Variants in EPN2 observed in about 807,000 individuals in gnomAD.
EPN2 encodes epsin-2.
In EPN2, 34 loss-of-function variants were observed where a neutral mutation model predicts 61.7. The observed-to-expected ratio is 0.55, with a 90% confidence interval of 0.42 to 0.73. The LOEUF (loss-of-function observed/expected upper bound fraction) is 0.73, where lower values mean the gene tolerates loss of function less well. Ranked by LOEUF, EPN2 falls within the 30% of genes least tolerant of loss-of-function variation. EPN2 has a pLI of 0.00. For synonymous variants in EPN2, 349 were observed against 353.6 expected (o/e 0.99, Z 0.15); for missense variants, 714 against 839.2 (o/e 0.85, Z 1.84).
chr17:19,327,245 C>G (rs1051492120), intron 7 of EPN2, among the ~76,000 whole-genome samples: 1 of 152,106 alleles, frequency 6.6e-6, no homozygotes, highest in Non-Finnish European at 1.5e-5. Context: ...GGAATCATGA[C>G]TTTTTTTTCA....
chr17:19,322,982 C>T (rs962592160), intron 7 of EPN2, among the ~76,000 whole-genome samples: 2 of 152,130 alleles, frequency 1.3e-5, no homozygotes, highest in African/African-American at 2.4e-5. Context: ...CTAGTTGTCT[C>T]GGAGGCTCAG....
intron 4 of EPN2, among the ~76,000 whole-genome samples, chr17:19,295,314 G>A (rs73291277): frequency 4.0e-5 from 6 of 150,454 alleles, no homozygotes; most frequent in Admixed American, 4.0e-4. Context: ...CCTTGCCAAC[G>A]CAGTGAAACC....
At position 19,336,181 on chromosome 17, in the gene EPN2, G is replaced by C. The variant is rs1422126054; in HGVS notation, c.*1927G>C. The stretch of plus-strand genomic sequence containing the variant: ...TGACCAGCCACCTTCTGCCAGAACT[G>C]CAGGCCTGCGGCTGGGTCTTAGGCT... On this transcript the variant is annotated 3_prime_UTR_variant, in exon 11 of 11. Transcript: ENST00000314728. 1 of 152,280 alleles carries C rather than the reference G, an allele frequency of 6.6e-6. No individual in the cohort carries two copies. Among genetic ancestry groups the C allele is most frequent in the African/African-American group, 2.4e-5 (1 of 41,448 alleles). The allele number at this position is 152,280 out of a possible 1,614,324, so 9.4% of individuals were successfully genotyped here. A position where few individuals can be genotyped will look rare whatever the true frequency, so the allele number is the denominator to read the frequency against.
At chr17:19,255,720 TCAAA>T (rs1045463694) in intron 1 of EPN2, among the ~76,000 whole-genome samples, 2 of 151,918 alleles carry the variant, frequency 1.3e-5, no homozygotes, top group African/African-American at 4.8e-5. Flanking sequence ...GCTCCTGGGC[TCAAA>T]CAGTCTTCCC....
intron 7 of EPN2, among the ~76,000 whole-genome samples, chr17:19,315,500 C>A (rs1208789974): frequency 6.6e-6 from 1 of 150,852 alleles, no homozygotes. Flanking sequence ...TTTTTTTTTT[C>A]TTTTTTTTGA....
chr17:19,319,930 A>G (rs1406002702), intron 7 of EPN2, among the ~76,000 whole-genome samples: 2 of 152,204 alleles, frequency 1.3e-5, no homozygotes, highest in Non-Finnish European at 2.9e-5. Context: ...AGGCGTGAGC[A>G]GCGTTGGGAT....
At chr17:19,238,624 A>G (rs931950717) in intron 1 of EPN2, among the ~76,000 whole-genome samples, 6 of 152,202 alleles carry the variant, frequency 3.9e-5, no homozygotes, top group Non-Finnish European at 2.9e-5. Context: ...AATTTGCCCA[A>G]GGTCACGCAG....
At chr17:19,243,738 C>A (rs746986479) in intron 1 of EPN2, among the ~76,000 whole-genome samples, 31 of 152,074 alleles carry the variant, frequency 2.0e-4, no homozygotes, top group Non-Finnish European at 3.5e-4. Flanking sequence ...GGGGTTTTAC[C>A]ACGTTGGCCA....
Position 19,282,896 on chromosome 17 carries a change from C to G in EPN2, c.-170-54C>G, listed in dbSNP as rs571153288. On this transcript the variant is annotated intron_variant, in intron 2 of 10. Transcript: ENST00000314728. The stretch of plus-strand genomic sequence containing the variant: ...AGTACCTGCTGCTGGACCACAGTCT[C>G]CCACCCTCACAGGGGGCTTACGTCG... The G allele has an allele frequency of 9.9e-6, 5 of 504,600 alleles. No individual in the cohort carries two copies. In the Admixed American group the frequency reaches 1.1e-4, roughly 11 times the overall value. The allele number at this position is 504,600 out of a possible 1,614,324, so 31.3% of individuals were successfully genotyped here.
intron 1 of EPN2, among the ~76,000 whole-genome samples, chr17:19,267,003 C>CT (rs1303021840): frequency 6.7e-6 from 1 of 149,338 alleles, no homozygotes. Flanking sequence ...CCACGCCTGG[C>CT]TAATTTTTTG....
chr17:19,283,257 G>A lies in EPN2; in HGVS notation c.138G>A (p.Leu46=). Residue 46 remains leucine (L), a synonymous_variant, in exon 3 of 11, where the codon CTG becomes CTA. Transcript: ENST00000314728. The surrounding 1 kb of genome is among the most constrained non-coding windows in gnomAD (Gnocchi z 7.0). ...SSSLMTEIAD[L]TYNVVAFSEI... Reference sequence around the variant, plus strand: ...CTCTGATGACCGAGATTGCCGACCTGACCTACAACGTGGTGGCCTTCTCGG... The same window carrying A: ...CTCTGATGACCGAGATTGCCGACCTAACCTACAACGTGGTGGCCTTCTCGG... The A allele has an allele frequency of 6.2e-7, 1 of 1,614,144 alleles. No homozygotes were observed.
chr17:19,335,171 ATTT>A lies in EPN2; in HGVS notation c.*918_*920del. On this transcript the variant is annotated 3_prime_UTR_variant, in exon 11 of 11. Coordinates refer to ENST00000314728, the MANE Select transcript of EPN2 (RefSeq NM_014964.5). Reference sequence around the variant, plus strand: ...TGATTACACATAGATGATGATGTTTATTTAAAAAAAAAACAACAGCAACAAAAA... The same window carrying A: ...TGATTACACATAGATGATGATGTTTAAAAAAAAAAACAACAGCAACAAAAA... 1 of 381,822 alleles carries A rather than the reference ATTT, an allele frequency of 2.6e-6. No individual in the cohort carries two copies. 23.7% of individuals were successfully genotyped at this position (381,822 alleles called of 1,614,324 possible).
intron 4 of EPN2, chr17:19,308,566 G>A (rs886534106): frequency 5.1e-6 from 5 of 985,292 alleles, no homozygotes; most frequent in Non-Finnish European, 6.0e-6. Flanking sequence ...GGATGGAGGG[G>A]AAGGACCAGG....
intron 7 of EPN2, among the ~76,000 whole-genome samples, chr17:19,319,953 A>G (rs2152235566): frequency 6.6e-6 from 1 of 152,346 alleles, no homozygotes; most frequent in East Asian, 1.9e-4. Context: ...CACCATGCCC[A>G]GCGACAGATT....
chr17:19,296,187 G>A (rs1329242150), intron 4 of EPN2, among the ~76,000 whole-genome samples: 1 of 151,630 alleles, frequency 6.6e-6, no homozygotes, highest in Non-Finnish European at 1.5e-5. Context: ...GTCTCACCCC[G>A]TCACCCAGGC....
At position 19,285,514 on chromosome 17, in the gene EPN2, G is replaced by T; in HGVS notation, c.596-106G>T. On this transcript the variant is annotated intron_variant, in intron 3 of 10. Transcript: ENST00000314728. This position sits in a 1 kb window ranked among gnomAD's most constrained non-coding sequence, Gnocchi z 4.5. ...TTCACAGCTTCCACCGCAGTGGGCT[G>T]CGGGGTTGACCCCGAGTGGCCTTGG... The T allele has an allele frequency of 7.4e-7, 1 of 1,356,806 alleles. No homozygotes were observed. The highest frequency in any genetic ancestry group is 9.5e-7 in the Non-Finnish European group (1 of 1,053,026). 84.0% of individuals were successfully genotyped at this position (1,356,806 alleles called of 1,614,324 possible). A position where few individuals can be genotyped will look rare whatever the true frequency, so the allele number is the denominator to read the frequency against.
rs1907172648 is a variant in EPN2, at chr17:19,331,875, A to G, written c.1434A>G (p.Pro478=). Residue 478 remains proline, a synonymous_variant, in exon 10 of 11, where the codon CCA becomes CCG. Coordinates refer to ENST00000314728, the MANE Select transcript of EPN2 (RefSeq NM_014964.5). ...KKTAESVTSL[P]SQNNGTTSPD... is the part of the protein sequence containing the mutation. ...TAGCCGAATCTGTGACCTCTCTGCC[A>G]TCCCAAAACAATGGAACTACCAGCC... is the stretch of plus-strand genomic sequence containing the variant. 8 of 1,614,184 alleles carry G rather than the reference A, an allele frequency of 5.0e-6. No individual in the cohort carries two copies. Among genetic ancestry groups the G allele is most frequent in the Non-Finnish European group, 5.9e-6 (7 of 1,180,024 alleles).
chr17:19,283,334 G>A lies in EPN2; in HGVS notation c.215G>A (p.Arg72Gln), dbSNP rs1370030997. ...KRLNDHGKNW[R>Q]HVYKALTLLD... ...CTGAATGACCATGGCAAGAACTGGCGGCATGTGTACAAGGCGCTGACCCTG... is the reference window on the plus strand; with the variant it reads ...CTGAATGACCATGGCAAGAACTGGCAGCATGTGTACAAGGCGCTGACCCTG... The change falls in exon 3 of 11, where the codon CGG (arginine) becomes CAG (glutamine). Residue 72 changes from arginine (R) to glutamine (Q), a missense_variant. Arg to Gln is a conservative substitution (Grantham distance 43). Around this residue, in one of 2 missense-constraint regions of EPN2, gnomAD observed 304 missense variants for 417.4 expected, o/e 0.73. Transcript: ENST00000314728. The surrounding 1 kb of genome is among the most constrained non-coding windows in gnomAD (Gnocchi z 7.0). 7 of 1,614,136 alleles carry A rather than the reference G, an allele frequency of 4.3e-6. No individual in the cohort carries two copies. The highest frequency in any genetic ancestry group is 3.4e-6 in the Non-Finnish European group (4 of 1,180,008).
chr17:19,297,479 G>A (rs941514514), intron 4 of EPN2: 5 of 152,262 alleles, frequency 3.3e-5, no homozygotes, highest in Non-Finnish European at 7.3e-5. Context: ...GCACTCATGT[G>A]TGTGAGGGCC....
Sources: gnomAD v4.1 joint callset for allele counts (sites outside exome capture counted in the v4.1 genomes callset) on GRCh38, gnomAD v4.1.1 for gene constraint, gnomAD v4.1.1 regional missense constraint, Gnocchi (gnomAD v3.1) non-coding constraint, MANE v1.5 for transcripts, NCBI Gene and HGNC (gene_info 2026-07-23, HGNC 2026-07-21) for gene names.